The following STAU1 variants were observed in gnomAD, a reference collection of about 807,000 sequenced individuals.
The protein encoded by STAU1 is double-stranded RNA-binding protein Staufen homolog 1.
A neutral mutation model predicts 62.9 loss-of-function variants in STAU1; 13 were observed. That is an observed-to-expected ratio of 0.21 (90% CI 0.13 to 0.33). STAU1 has a LOEUF of 0.33. Among genes scored for constraint, STAU1 ranks in the 10% least tolerant of loss-of-function variants. The pLI is 1.00. For synonymous variants in STAU1, 269 were observed against 265.1 expected (o/e 1.01, Z -0.14); for missense variants, 571 against 712.1 (o/e 0.80, Z 2.25).
intron 5 of STAU1, among the ~76,000 whole-genome samples, chr20:49,150,846 T>A (rs1243373263): frequency 6.6e-6 from 1 of 152,086 alleles, no homozygotes; most frequent in African/African-American, 2.4e-5. Context: ...CCAGCCACCA[T>A]AACATGAAGA....
chr20:49,200,818 T>C, the STAU1 span, among the ~76,000 whole-genome samples: 1 of 151,386 alleles, frequency 6.6e-6, no homozygotes, highest in South Asian at 2.1e-4. Context: ...GAGGATCACC[T>C]GAGCCCAGGA....
intron 5 of STAU1, among the ~76,000 whole-genome samples, chr20:49,144,498 T>C (rs1324955303): frequency 6.6e-6 from 1 of 152,214 alleles, no homozygotes; most frequent in African/African-American, 2.4e-5. Context: ...GCTTAGACAA[T>C]CTCACCATCA....
chr20:49,214,342 A>G, the STAU1 span, among the ~76,000 whole-genome samples: 1 of 152,120 alleles, frequency 6.6e-6, no homozygotes, highest in Non-Finnish European at 1.5e-5. Flanking sequence ...ACAAGGTGAA[A>G]ACCCGTCACT....
At chr20:49,179,399 A>G (rs1025847465) in intron 1 of STAU1, among the ~76,000 whole-genome samples, 1 of 152,208 alleles carries the variant, frequency 6.6e-6, no homozygotes, top group African/African-American at 2.4e-5. Flanking sequence ...GTCACTTGCT[A>G]AACATTACAG....
Position 49,115,880 on chromosome 20 carries a change from G to GAAA in STAU1, c.1633-16_1633-14dup. ...TGTTCAGCGCAGCCTAGTGGGGATG[G>GAAA]AAAGAAGGGTAAAGCCACAGCCACC... is the stretch of plus-strand genomic sequence containing the variant. On this transcript the variant is annotated splice_polypyrimidine_tract_variant and intron_variant, in intron 12 of 13. Transcript: ENST00000371856. 1.2e-6 allele frequency: 2 copies of GAAA among 1,613,256 alleles called. No individual in the cohort carries two copies. Among genetic ancestry groups the GAAA allele is most frequent in the Non-Finnish European group, 1.7e-6 (2 of 1,179,300 alleles).
In STAU1 at chr20:49,117,297, G is replaced by C; in HGVS notation, c.1510-49C>G. ...GCTAGGTAGGGAACAGCAAGTATGA[G>C]TGGGCTGGAGGGCTGCAGCTCCAGG... On this transcript the variant is annotated intron_variant, in intron 11 of 13. Transcript: ENST00000371856. This position sits in a 1 kb window ranked among gnomAD's most constrained non-coding sequence, Gnocchi z 4.6. 1.2e-6 allele frequency: 2 copies of C among 1,606,092 alleles called. No individual in the cohort carries two copies. The highest frequency in any genetic ancestry group is 1.7e-4 in the Middle Eastern group (1 of 5,980).
chr20:49,118,915 A>G (rs2145833765), intron 9 of STAU1, among the ~76,000 whole-genome samples: 1 of 152,348 alleles, frequency 6.6e-6, no homozygotes, highest in Non-Finnish European at 1.5e-5. Context: ...AAGAAGTAAC[A>G]AAGGACACTC....
chr20:49,160,384 T>G (rs2093430107), intron 3 of STAU1, among the ~76,000 whole-genome samples: 1 of 152,208 alleles, frequency 6.6e-6, no homozygotes, highest in South Asian at 2.1e-4. Context: ...CATCCTTAAT[T>G]ATATTATCTT....
chr20:49,151,798 C>T (rs1366257324), intron 4 of STAU1, 51 bp from the exon 5 acceptor site: 21 of 1,516,112 alleles, frequency 1.4e-5, no homozygotes, highest in Non-Finnish European at 1.8e-5. Context: ...TGATAAGTCA[C>T]CTATACACTC....
intron 5 of STAU1, among the ~76,000 whole-genome samples, chr20:49,136,357 T>C (rs565085823): frequency 3.2e-4 from 49 of 152,326 alleles, no homozygotes; most frequent in African/African-American, 1.2e-3. Context: ...TTAAAAGCAC[T>C]GAGCTTTGGC....
Position 49,154,049 on chromosome 20 carries a change from T to C in STAU1, c.228A>G (p.Glu76=), listed in dbSNP as rs1167895879. 6.2e-7 allele frequency: 1 copy of C among 1,609,640 alleles called. No individual in the cohort carries two copies. Among genetic ancestry groups the C allele is most frequent in the Non-Finnish European group, 8.5e-7 (1 of 1,179,010 alleles). Residue 76 remains glutamate (E), a synonymous_variant, in exon 4 of 14, where the codon GAA becomes GAG. Transcript: ENST00000371856. ...AAAESITPTV[E]LNALCMKLGK... Reference sequence around the variant, plus strand: ...CAAGTTTCATGCACAGTGCATTTAGTTCTACAGTAGGGGTTATGCTTTCTG... The same window carrying C: ...CAAGTTTCATGCACAGTGCATTTAGCTCTACAGTAGGGGTTATGCTTTCTG...
the STAU1 span, among the ~76,000 whole-genome samples, chr20:49,215,408 C>T: frequency 1.3e-5 from 2 of 152,026 alleles, no homozygotes; most frequent in African/African-American, 2.4e-5. Context: ...CCTTAATTTC[C>T]TCAAGAGCCT....
chr20:49,150,223 A>G (rs1031918326), intron 5 of STAU1, among the ~76,000 whole-genome samples: 1 of 152,146 alleles, frequency 6.6e-6, no homozygotes, highest in Non-Finnish European at 1.5e-5. Flanking sequence ...TTTTCCTATC[A>G]TGGTGGTTTT....
the STAU1 span, among the ~76,000 whole-genome samples, chr20:49,198,737 G>A: frequency 3.3e-5 from 5 of 152,038 alleles, no homozygotes; most frequent in Non-Finnish European, 7.4e-5. Context: ...GCCGAGGCGG[G>A]CAGATCACGA....
intron 1 of STAU1, among the ~76,000 whole-genome samples, chr20:49,187,773 A>T: frequency 4.9e-5 from 1 of 20,316 alleles, no homozygotes; most frequent in Non-Finnish European, 1.0e-4. Flanking sequence ...TGAAGCAGGG[A>T]CCCCCCCCCC....
chr20:49,187,161 G>A (rs1399750465), intron 1 of STAU1, among the ~76,000 whole-genome samples: 2 of 152,140 alleles, frequency 1.3e-5, no homozygotes, highest in African/African-American at 4.8e-5. Flanking sequence ...CTCAAGGGAA[G>A]CTTCTGCCAG....
chr20:49,197,891 A>G, the STAU1 span, among the ~76,000 whole-genome samples: 1 of 152,002 alleles, frequency 6.6e-6, no homozygotes, highest in Non-Finnish European at 1.5e-5. Context: ...AATTCTTATT[A>G]GAGACAAGGG....
At position 49,169,930 on chromosome 20, in the gene STAU1, C is replaced by T. The variant is rs551135856; in HGVS notation, c.-84-3645G>A. Reference sequence around the variant, plus strand: ...TTAAAAGATTCCTTAATTCCATGTCCTCCTGGTTCTTAAGATTGGCTTGGT... The same window carrying T: ...TTAAAAGATTCCTTAATTCCATGTCTTCCTGGTTCTTAAGATTGGCTTGGT... On this transcript the variant is annotated intron_variant, in intron 2 of 13. Coordinates refer to ENST00000371856, the MANE Select transcript of STAU1 (RefSeq NM_017453.4). Among the ~76,000 whole-genome samples the T allele has an allele frequency of 2.6e-5, 4 of 152,244 alleles. No individual in the cohort carries two copies. In the East Asian group the frequency reaches 5.8e-4, roughly 22 times the overall value.
intron 5 of STAU1, among the ~76,000 whole-genome samples, chr20:49,146,642 G>A (rs1441134890): frequency 6.6e-6 from 1 of 151,558 alleles, no homozygotes; most frequent in East Asian, 2.0e-4. Flanking sequence ...GGTCAAGGCT[G>A]CAGTGAGCCT....
Sources: allele counts gnomAD v4.1 joint callset (sites outside exome capture counted in the v4.1 genomes callset), GRCh38; gene constraint gnomAD v4.1.1; non-coding constraint Gnocchi (gnomAD v3.1); transcripts MANE v1.5; gene names NCBI Gene and HGNC (gene_info 2026-07-23, HGNC 2026-07-21).